The following BCAR3 variants were observed in gnomAD, a reference collection of about 807,000 sequenced individuals.
BCAR3 encodes BCAR3 adaptor protein, NSP family member.
Under a neutral mutation model 80.1 loss-of-function variants are expected in BCAR3, and 37 were observed. The ratio of observed to expected loss-of-function variants is 0.46; its 90% CI spans 0.36 to 0.61. The LOEUF (loss-of-function observed/expected upper bound fraction) is 0.61. Ranked by LOEUF, BCAR3 falls within the 20% of genes least tolerant of loss-of-function variation. The pLI is 0.00. For synonymous variants in BCAR3, 389 were observed against 418.9 expected, an observed-to-expected ratio of 0.93 and a Z score of 0.87; for missense variants, 978 against 1,068.2, an observed-to-expected ratio of 0.92 and a Z score of 1.18.
chr1:93,693,777 G>A (rs4375280), intron 3 of BCAR3, among the ~76,000 whole-genome samples: 2 of 152,116 alleles, frequency 1.3e-5, no homozygotes, highest in Non-Finnish European at 2.9e-5. Flanking sequence ...TGACTAGTAG[G>A]GGGCAGAAAC....
intron 3 of BCAR3, among the ~76,000 whole-genome samples, chr1:93,611,173 C>T (rs1404503885): frequency 3.3e-5 from 5 of 152,144 alleles, no homozygotes; most frequent in Non-Finnish European, 5.9e-5. Context: ...AGAACTCATA[C>T]ATTTGAAAGT....
intron 2 of BCAR3, among the ~76,000 whole-genome samples, chr1:93,731,706 C>G (rs1387931337): frequency 6.6e-6 from 1 of 151,480 alleles, no homozygotes; most frequent in African/African-American, 2.4e-5. Flanking sequence ...TCAAGTGCCA[C>G]CTGAATCCAA....
At chr1:93,742,985 T>A (rs1480730680) in intron 2 of BCAR3, among the ~76,000 whole-genome samples, 1 of 152,248 alleles carries the variant, frequency 6.6e-6, no homozygotes, top group Admixed American at 6.5e-5. Flanking sequence ...CTTAACTCCA[T>A]AAGCCTTTTT....
chr1:93,579,851 C>T (rs79599954), intron 7 of BCAR3, among the ~76,000 whole-genome samples: 4,456 of 152,322 alleles, frequency 0.029, 235 homozygotes, highest in African/African-American at 0.1. Flanking sequence ...CTCTCAGATT[C>T]AGGGCCCAAT....
At position 93,704,051 on chromosome 1, in the gene BCAR3, A is replaced by G. The variant is rs146810715; in HGVS notation, c.-12+2041T>C. ...GCCAATGTGGCTAGTGGTTAGTGGT[A>G]TATAGGACATTTCCATCATCACAGA... On this transcript the variant is annotated intron_variant, in intron 3 of 13. Coordinates refer to the BCAR3 transcript ENST00000370244. Among the ~76,000 whole-genome samples, 28 of 152,366 alleles carry G rather than the reference A, an allele frequency of 1.8e-4. No individual in the cohort carries two copies. In the East Asian group the frequency reaches 2.1e-3, roughly 12 times the overall value.
chr1:93,608,284 C>T (rs534289509), intron 3 of BCAR3, among the ~76,000 whole-genome samples: 1 of 152,320 alleles, frequency 6.6e-6, no homozygotes, highest in East Asian at 1.9e-4. Context: ...CAGCTGAGGC[C>T]AGAGATGGTG....
At chr1:93,683,412 A>G (rs1648869229), upstream of BCAR3, among the ~76,000 whole-genome samples, 1 of 152,212 alleles carries the variant, frequency 6.6e-6, no homozygotes, top group Non-Finnish European at 1.5e-5. Flanking sequence ...GAAAAGCTAA[A>G]TTAACATGTA....
chr1:93,710,588 C>T (rs1557662375), intron 2 of BCAR3, among the ~76,000 whole-genome samples: 1 of 152,150 alleles, frequency 6.6e-6, no homozygotes, highest in Middle Eastern at 3.2e-3. Flanking sequence ...GTCTCGACCC[C>T]ACCAACCTTT....
Position 93,584,044 on chromosome 1 carries a change from TG to T in BCAR3, c.1006del (p.His336ThrfsTer39). On this transcript the variant is annotated frameshift_variant, in exon 6 of 12. Coordinates refer to ENST00000260502, the MANE Select transcript of BCAR3 (RefSeq NM_003567.4). LOFTEE classifies it high-confidence loss of function. The part of the protein sequence containing the change: ...QDRRALSLKA[H>X]QSESYLPIGC... ...AATCGGCAGGTAGCTCTCTGACTGG[TG>T]GGCTTTGAGGGACAAGGCTCTTCTG... The T allele has an allele frequency of 6.2e-7, 1 of 1,614,016 alleles. No homozygotes were observed. The highest frequency in any genetic ancestry group is 8.5e-7 in the Non-Finnish European group (1 of 1,179,978).
intron 2 of BCAR3, among the ~76,000 whole-genome samples, chr1:93,788,229 T>C (rs997960712): frequency 6.6e-6 from 1 of 152,182 alleles, no homozygotes; most frequent in South Asian, 2.1e-4. Flanking sequence ...TTGAAGTCAG[T>C]AGATCCTTGG....
Position 93,567,465 on chromosome 1 carries a change from C to T in BCAR3, c.2113G>A (p.Val705Ile). 2 of 1,613,812 alleles carry T rather than the reference C, an allele frequency of 1.2e-6. No homozygotes were observed. Among genetic ancestry groups the T allele is most frequent in the Non-Finnish European group, 1.7e-6 (2 of 1,179,858 alleles). Residue 705 changes from valine (V) to isoleucine (I), a missense_variant, in exon 11 of 12, where the codon GTA (valine) becomes ATA (isoleucine). By Grantham distance (29) the Val-to-Ile change is conservative. Transcript: ENST00000260502. ...RESTCVPPNN[V>I]SVPLLMPLVT... ...AGCGGCATCAGCAGTGGGACTGATA[C>T]ATTGTTTGGGGGAACACATGTGGAC...
intron 2 of BCAR3, among the ~76,000 whole-genome samples, chr1:93,830,663 A>G (rs1449895124): frequency 2.6e-5 from 4 of 152,184 alleles, no homozygotes; most frequent in Non-Finnish European, 1.5e-5. Flanking sequence ...TTTCGGACTC[A>G]GCCCACCTGC....
Position 93,584,024 on chromosome 1 carries a change from G to A in BCAR3, c.1027C>T (p.Pro343Ser), listed in dbSNP as rs747213509. ...LKAHQSESYL[P>S]IGCKLPPQSS... ...AAAATTCCCCGAAACATACCAATCG[G>A]CAGGTAGCTCTCTGACTGGTGGGCT... Residue 343 changes from proline to serine, a missense_variant, in exon 6 of 12, where the codon CCG becomes TCG. By Grantham distance (74) the Pro-to-Ser change is moderately conservative (BLOSUM62 -1). Coordinates refer to ENST00000260502, the MANE Select transcript of BCAR3 (RefSeq NM_003567.4). The A allele has an allele frequency of 6.2e-7, 1 of 1,613,852 alleles. No individual in the cohort carries two copies. Among genetic ancestry groups the A allele is most frequent in the Non-Finnish European group, 8.5e-7 (1 of 1,179,848 alleles).
At chr1:93,664,108 A>T (rs11580965) in intron 2 of BCAR3, among the ~76,000 whole-genome samples, 19,269 of 152,162 alleles carry the variant, frequency 0.13, 1,295 homozygotes, top group Middle Eastern at 0.16. Context: ...TCATTTCAAC[A>T]GCGAGTTCCT....
chr1:93,812,581 C>T (rs1364637222), intron 2 of BCAR3, among the ~76,000 whole-genome samples: 1 of 152,200 alleles, frequency 6.6e-6, no homozygotes, highest in Non-Finnish European at 1.5e-5. Flanking sequence ...CCCTCCTCTA[C>T]CCCAGCTCCT....
Position 93,789,678 on chromosome 1 carries a change from G to A in BCAR3, c.-63+55889C>T, listed in dbSNP as rs562500976. ...AATCAGAATTCTGAAATGTCCTTAC[G>A]CTATTGTTCACCCCTACATGAAGTG... is the stretch of plus-strand genomic sequence containing the variant. On this transcript the variant is annotated intron_variant, in intron 2 of 13. Transcript: ENST00000370244. Among the ~76,000 whole-genome samples, 40 of 152,242 alleles carry A rather than the reference G, an allele frequency of 2.6e-4. 1 individual carries two copies. The highest frequency in any genetic ancestry group is 1.4e-3 in the Admixed American group (21 of 15,288).
At position 93,751,975 on chromosome 1, in the gene BCAR3, G is replaced by A. The variant is rs553790140; in HGVS notation, c.-62-45833C>T. On this transcript the variant is annotated intron_variant, in intron 2 of 13. Coordinates refer to the BCAR3 transcript ENST00000370244. ...GATTTTGAATGTCTTTAGGAACACA[G>A]CTGAGAATGCATCTCTTTGCTGTGC... 2.0e-5 allele frequency among the ~76,000 whole-genome samples: 3 copies of A among 152,358 alleles called. No individual in the cohort carries two copies. The East Asian group carries it at 5.8e-4, about 29-fold the overall frequency.
At chr1:93,619,203 C>T (rs1455296764) in intron 3 of BCAR3, among the ~76,000 whole-genome samples, 2 of 151,694 alleles carry the variant, frequency 1.3e-5, no homozygotes, top group African/African-American at 4.8e-5. Context: ...ACCTCGGCCT[C>T]CCAAAGTGCT....
chr1:93,625,460 C>T (rs769567317), intron 3 of BCAR3, among the ~76,000 whole-genome samples: 12 of 152,204 alleles, frequency 7.9e-5, no homozygotes, highest in Non-Finnish European at 1.6e-4. Flanking sequence ...CTTCAAAATA[C>T]ACCCACCTGG....
Sources: allele counts gnomAD v4.1 joint callset (sites outside exome capture counted in the v4.1 genomes callset), GRCh38; gene constraint gnomAD v4.1.1; transcripts MANE v1.5; gene names NCBI Gene and HGNC (gene_info 2026-07-23, HGNC 2026-07-21).